Variants in AP4E1 observed in about 807,000 individuals in gnomAD.
The protein encoded by AP4E1 is AP-4 complex subunit epsilon-1.
A neutral mutation model predicts 128.2 loss-of-function variants in AP4E1; 56 were observed. That is an observed-to-expected ratio of 0.44 (90% CI 0.35 to 0.55). The LOEUF is 0.55. Among genes scored for constraint, AP4E1 ranks in the 20% least tolerant of loss-of-function variants. AP4E1 has a pLI of 0.00. For missense variants in AP4E1, 1,324 were observed against 1,307.7 expected (o/e 1.01, Z -0.19); for synonymous variants, 484 against 473.1 (o/e 1.02, Z -0.30).
intron 10 of AP4E1, chr15:50,945,982 G>A (rs2064057076): frequency 2.6e-6 from 3 of 1,153,950 alleles, no homozygotes; most frequent in South Asian, 2.5e-5. Flanking sequence ...GAAACATGTA[G>A]GGGCAGTTGT....
At chr15:50,966,362 C>G (rs1315132817) in intron 14 of AP4E1, among the ~76,000 whole-genome samples, 1 of 151,948 alleles carries the variant, frequency 6.6e-6, no homozygotes, top group African/African-American at 2.4e-5. Context: ...TCAGTAGTTC[C>G]TCAAGGGCAG....
At chr15:50,949,976 A>G in intron 12 of AP4E1, 38 bp downstream of exon 12, 1 of 1,596,170 alleles carries the variant, frequency 6.3e-7, no homozygotes, top group South Asian at 1.1e-5. Context: ...TAAACATTTT[A>G]AAGTTTAATG....
At position 50,916,770 on chromosome 15, in the gene AP4E1, C is replaced by A. The variant is rs72742389; in HGVS notation, c.346+1199C>A. Among the ~76,000 whole-genome samples, 227 of 152,304 alleles carry A rather than the reference C, an allele frequency of 1.5e-3. 1 individual carries two copies. The highest frequency in any genetic ancestry group is 4.1e-3 in the South Asian group (20 of 4,824). ...CCTTTAACATTCTCTTTCTCTCTTT[C>A]CATATTCCAAATCAAATTTTATTTC... On this transcript the variant is annotated intron_variant, in intron 3 of 20. Coordinates refer to ENST00000261842, the MANE Select transcript of AP4E1 (RefSeq NM_007347.5).
chr15:50,941,601 A>G, intron 9 of AP4E1, 37 bp downstream of exon 9: 1 of 1,612,634 alleles, frequency 6.2e-7, no homozygotes, highest in Non-Finnish European at 8.5e-7. Context: ...AATTACAGAG[A>G]TAGCTTTTGA....
intron 10 of AP4E1, chr15:50,944,611 C>A: frequency 7.4e-6 from 2 of 271,738 alleles, no homozygotes; most frequent in South Asian, 9.7e-5. Flanking sequence ...AGGCAGTGGA[C>A]AGAACTCACA....
chr15:50,984,050 C>G lies in AP4E1; in HGVS notation c.1995C>G (p.Ser665=). ...TCAATTTTGAACCATATGGACTCTC[C>G]TTTTCTTCATCTGGCTTCACTGGAC... ...KVLNFEPYGL[S]FSSSGFTGRQ... is the part of the protein sequence containing the mutation. The change falls in exon 16 of 21, where the codon TCC becomes TCG. Residue 665 remains serine, a synonymous_variant. Coordinates refer to ENST00000261842, the MANE Select transcript of AP4E1 (RefSeq NM_007347.5). 6.2e-7 allele frequency: 1 copy of G among 1,613,200 alleles called. No individual in the cohort carries two copies. The highest frequency in any genetic ancestry group is 1.3e-5 in the African/African-American group (1 of 74,986).
At chr15:50,983,406 A>T (rs2064668957) in intron 15 of AP4E1, among the ~76,000 whole-genome samples, 1 of 152,202 alleles carries the variant, frequency 6.6e-6, no homozygotes. Flanking sequence ...GTGTTTGTAA[A>T]TGTCTCTGGG....
chr15:50,913,369 T>C (rs543847486), intron 2 of AP4E1, among the ~76,000 whole-genome samples: 1 of 152,230 alleles, frequency 6.6e-6, no homozygotes, highest in African/African-American at 2.4e-5. Context: ...TTTTTATGAT[T>C]GGCATCAGTA....
intron 3 of AP4E1, among the ~76,000 whole-genome samples, chr15:50,922,109 T>C (rs890410314): frequency 2.7e-5 from 4 of 148,872 alleles, no homozygotes; most frequent in Non-Finnish European, 5.9e-5. Flanking sequence ...GAGGGATCGC[T>C]TGAGTCTGGG....
At position 50,997,751 on chromosome 15, in the gene AP4E1, T is replaced by C. The variant is rs1331803049; in HGVS notation, c.2772T>C (p.Asn924=). Residue 924 remains asparagine, a synonymous_variant, in exon 18 of 21, where the codon AAT becomes AAC. Transcript: ENST00000261842. ...CAAATGCTATGGAAGTCTGTAATAA[T>C]GAAACTATATCAGTGTCTTCTTATA... The part of the protein sequence containing the change: ...IHSNAMEVCN[N]ETISVSSYKI... 6.2e-7 allele frequency: 1 copy of C among 1,613,622 alleles called. No homozygotes were observed. The highest frequency in any genetic ancestry group is 1.7e-5 in the Admixed American group (1 of 59,984).
At chr15:50,995,038 T>G (rs1214428566) in intron 17 of AP4E1, among the ~76,000 whole-genome samples, 7 of 152,180 alleles carry the variant, frequency 4.6e-5, no homozygotes, top group Non-Finnish European at 1.0e-4. Flanking sequence ...GTGTTGTAAC[T>G]TAGATGCATA....
chr15:50,976,513 A>G (rs1447804689), intron 15 of AP4E1, among the ~76,000 whole-genome samples: 1 of 152,236 alleles, frequency 6.6e-6, no homozygotes, highest in Non-Finnish European at 1.5e-5. Context: ...TAGTCAACAC[A>G]GTACTGGAAG....
chr15:50,924,036 C>A, intron 4 of AP4E1, 32 bp downstream of exon 4: 3 of 1,542,094 alleles, frequency 1.9e-6, no homozygotes, highest in Non-Finnish European at 2.7e-6. Flanking sequence ...AATATGAAGT[C>A]ATAATTCTTG....
intron 10 of AP4E1, 69 bp downstream of exon 10, chr15:50,941,844 G>T: frequency 8.3e-7 from 1 of 1,198,646 alleles, no homozygotes. Flanking sequence ...GCATTGTGTA[G>T]AGAGATTAAA....
Position 50,930,975 on chromosome 15 carries a change from A to G in AP4E1, c.869+4A>G. ...TTCTAGGAAAAGATGATCAAAGGTAAACTATTTTCAGTAAGTTTGCTTAAT... is the reference window on the plus strand; with the variant it reads ...TTCTAGGAAAAGATGATCAAAGGTAGACTATTTTCAGTAAGTTTGCTTAAT... On this transcript the variant is annotated splice_donor_region_variant and intron_variant, in intron 7 of 20. Coordinates refer to ENST00000261842, the MANE Select transcript of AP4E1 (RefSeq NM_007347.5). 2 of 1,614,094 alleles carry G rather than the reference A, an allele frequency of 1.2e-6. No homozygotes were observed. Among genetic ancestry groups the G allele is most frequent in the Non-Finnish European group, 1.7e-6 (2 of 1,179,984 alleles).
intron 11 of AP4E1, among the ~76,000 whole-genome samples, chr15:50,949,412 C>CAA (rs55857377): frequency 0.011 from 789 of 70,420 alleles, 12 homozygotes; most frequent in African/African-American, 0.033. Flanking sequence ...GATTCTGCCT[C>CAA]AAAAAAAAAA....
chr15:50,951,140 G>T (rs1371577990), intron 13 of AP4E1, among the ~76,000 whole-genome samples: 1 of 152,180 alleles, frequency 6.6e-6, no homozygotes, highest in East Asian at 1.9e-4. Flanking sequence ...AAGAGTCCAG[G>T]TATGGCTTAG....
At chr15:50,920,868 G>A (rs892544027) in intron 3 of AP4E1, among the ~76,000 whole-genome samples, 1 of 152,116 alleles carries the variant, frequency 6.6e-6, no homozygotes, top group Non-Finnish European at 1.5e-5. Flanking sequence ...GCACGATCTC[G>A]GCTTACTGCA....
intron 10 of AP4E1, among the ~76,000 whole-genome samples, chr15:50,942,375 G>A (rs2063999528): frequency 6.6e-6 from 1 of 152,102 alleles, no homozygotes; most frequent in Non-Finnish European, 1.5e-5. Context: ...TAGGAGTCCT[G>A]AATTCTGGTC....
Sources: gnomAD v4.1 joint callset for allele counts (sites outside exome capture counted in the v4.1 genomes callset) on GRCh38, gnomAD v4.1.1 for gene constraint, MANE v1.5 for transcripts, NCBI Gene and HGNC (gene_info 2026-07-23, HGNC 2026-07-21) for gene names.